DCDC2: variants seen among roughly 807,000 people sequenced by gnomAD.
The protein encoded by DCDC2 is doublecortin domain-containing protein 2.
Under a neutral mutation model 50.2 loss-of-function variants are expected in DCDC2, and 40 were observed. That is an observed-to-expected ratio of 0.80 (90% CI 0.62 to 1.04). The LOEUF is 1.04. DCDC2 is among the 50% of genes least tolerant of loss of function. DCDC2 has a pLI of 0.00. For synonymous variants in DCDC2, 234 were observed against 210.6 expected (o/e 1.11, Z -0.96); for missense variants, 570 against 581.9 (o/e 0.98, Z 0.21).
At chr6:24,204,907 T>C in intron 8 of DCDC2, 95 bp downstream of exon 8, 1 of 1,161,600 alleles carries the variant, frequency 8.6e-7, no homozygotes, top group Non-Finnish European at 1.2e-6. Context: ...GTTTAATTCA[T>C]ACAGGTATAG....
intron 2 of DCDC2, among the ~76,000 whole-genome samples, chr6:24,352,259 C>T (rs370167124): frequency 4.9e-4 from 74 of 152,252 alleles, no homozygotes; most frequent in African/African-American, 1.4e-3. Flanking sequence ...AATTCTATTG[C>T]GGAAGTCCAG....
At chr6:24,248,418 G>A (rs1459773875) in intron 7 of DCDC2, among the ~76,000 whole-genome samples, 3 of 152,176 alleles carry the variant, frequency 2.0e-5, no homozygotes, top group East Asian at 3.8e-4. Context: ...TCATGGCACT[G>A]TTAAGAAAAT....
upstream of DCDC2, among the ~76,000 whole-genome samples, chr6:24,361,044 G>A (rs879533894): frequency 1.3e-5 from 2 of 152,156 alleles, no homozygotes; most frequent in Admixed American, 6.5e-5. Flanking sequence ...AAAGATGAAT[G>A]TGTGGGACAT....
intron 2 of DCDC2, among the ~76,000 whole-genome samples, chr6:24,336,300 C>G (rs1264818206): frequency 6.6e-6 from 1 of 152,120 alleles, no homozygotes. Context: ...TCTTTTTCTG[C>G]TAAAATGAAG....
chr6:24,228,296 T>C (rs899546502), intron 7 of DCDC2, among the ~76,000 whole-genome samples: 11 of 152,222 alleles, frequency 7.2e-5, no homozygotes. Flanking sequence ...AGAAATTTAC[T>C]CATTGGTTTT....
At chr6:24,178,309 A>AT in intron 9 of DCDC2, 21 bp downstream of exon 9, 3 of 1,604,946 alleles carry the variant, frequency 1.9e-6, no homozygotes, top group Non-Finnish European at 2.6e-6. Flanking sequence ...TCACATAAGC[A>AT]AGCAAAAGCA....
At position 24,196,083 on chromosome 6, in the gene DCDC2, C is replaced by T. The variant is rs142246350; in HGVS notation, c.1023+8919G>A. On this transcript the variant is annotated intron_variant, in intron 8 of 9. Transcript: ENST00000378454. ...ACAGATCATTTAGATGACAGGAAAACAGTCCAAAGACATTAACTAGCTAAT... is the reference window on the plus strand; with the variant it reads ...ACAGATCATTTAGATGACAGGAAAATAGTCCAAAGACATTAACTAGCTAAT... Among the ~76,000 whole-genome samples, 8 of 152,310 alleles carry T rather than the reference C, an allele frequency of 5.3e-5. No individual in the cohort carries two copies. The East Asian group carries it at 1.5e-3, about 29-fold the overall frequency.
intron 7 of DCDC2, among the ~76,000 whole-genome samples, chr6:24,214,772 C>T (rs767196097): frequency 6.6e-6 from 1 of 152,186 alleles, no homozygotes; most frequent in African/African-American, 2.4e-5. Flanking sequence ...TCTGGTTAGT[C>T]CAACTTCCTC....
chr6:24,190,631 C>A (rs1455111295), intron 8 of DCDC2, among the ~76,000 whole-genome samples: 1 of 152,166 alleles, frequency 6.6e-6, no homozygotes, highest in East Asian at 1.9e-4. Context: ...CTGATGGCTA[C>A]ATTTTAATGT....
intron 7 of DCDC2, among the ~76,000 whole-genome samples, chr6:24,209,873 C>T (rs757380568): frequency 3.9e-5 from 6 of 152,202 alleles, no homozygotes; most frequent in African/African-American, 1.4e-4. Context: ...TCCTCACCCC[C>T]ACACTTTCCC....
chr6:24,344,930 A>T (rs1760228912), intron 2 of DCDC2, among the ~76,000 whole-genome samples: 1 of 152,218 alleles, frequency 6.6e-6, no homozygotes, highest in African/African-American at 2.4e-5. Flanking sequence ...GGTATAAAAT[A>T]AAAGTTTGGG....
intron 2 of DCDC2, among the ~76,000 whole-genome samples, chr6:24,333,571 T>C (rs1221734123): frequency 2.0e-5 from 3 of 152,180 alleles, no homozygotes; most frequent in Admixed American, 1.3e-4. Flanking sequence ...ACTACCTAAA[T>C]TGATTTTCAA....
intron 7 of DCDC2, among the ~76,000 whole-genome samples, chr6:24,254,099 G>A (rs148839201): frequency 2.9e-3 from 445 of 152,064 alleles, no homozygotes; most frequent in African/African-American, 0.01. Context: ...CACATTAGCC[G>A]AGGCCTACAC....
At chr6:24,222,191 G>C (rs563111408) in intron 7 of DCDC2, among the ~76,000 whole-genome samples, 25 of 152,038 alleles carry the variant, frequency 1.6e-4, no homozygotes, top group Admixed American at 2.6e-4. Context: ...AGAGAGAAGA[G>C]AGCCATTAAT....
Position 24,178,347 on chromosome 6 carries a change from C to T in DCDC2, c.1309G>A (p.Gly437Ser). 6.8e-6 allele frequency: 11 copies of T among 1,613,602 alleles called. No individual in the cohort carries two copies. Among genetic ancestry groups the T allele is most frequent in the Non-Finnish European group, 9.3e-6 (11 of 1,179,644 alleles). ...LDKERKSQGA[G>S]SGQDEADVDP... Reference sequence around the variant, plus strand: ...AGAAATACCTCATCTTGTCCACTGCCAGCTCCTTGAGACTTTCTTTCCTTG... The same window carrying T: ...AGAAATACCTCATCTTGTCCACTGCTAGCTCCTTGAGACTTTCTTTCCTTG... Residue 437 changes from glycine (G) to serine (S), a missense_variant, in exon 9 of 10, where the codon GGC becomes AGC. Coordinates refer to ENST00000378454, the MANE Select transcript of DCDC2 (RefSeq NM_016356.5).
chr6:24,291,756 A>C (rs1763757576), intron 4 of DCDC2, among the ~76,000 whole-genome samples: 1 of 152,090 alleles, frequency 6.6e-6, no homozygotes, highest in Non-Finnish European at 1.5e-5. Flanking sequence ...AAGTGCTGGG[A>C]TTACAGGCAT....
chr6:24,352,243 A>G (rs2127254780), intron 2 of DCDC2, among the ~76,000 whole-genome samples: 1 of 152,358 alleles, frequency 6.6e-6, no homozygotes, highest in East Asian at 1.9e-4. Context: ...GAATTCACAC[A>G]TCTCAAATTC....
chr6:24,216,999 T>C (rs936256371), intron 7 of DCDC2, among the ~76,000 whole-genome samples: 2 of 152,090 alleles, frequency 1.3e-5, no homozygotes, highest in Non-Finnish European at 2.9e-5. Context: ...GCAGCACACA[T>C]CCAGGCAACA....
intron 7 of DCDC2, among the ~76,000 whole-genome samples, chr6:24,211,755 G>A (rs1241075807): frequency 6.6e-6 from 1 of 152,152 alleles, no homozygotes; most frequent in Non-Finnish European, 1.5e-5. Context: ...CCTCCAGAAG[G>A]AACACAGACC....
Sources: gnomAD v4.1 joint callset for allele counts (sites outside exome capture counted in the v4.1 genomes callset) on GRCh38, gnomAD v4.1.1 for gene constraint, MANE v1.5 for transcripts, NCBI Gene and HGNC (gene_info 2026-07-23, HGNC 2026-07-21) for gene names.